The following CRACDL variants were observed in gnomAD, a reference collection of about 807,000 sequenced individuals.
CRACDL encodes the protein CRACD like, also known as CRACD-like protein.
A neutral mutation model predicts 70.6 loss-of-function variants in CRACDL; 26 were observed. That is an observed-to-expected ratio of 0.37 (90% CI 0.27 to 0.51). The LOEUF (loss-of-function observed/expected upper bound fraction) is 0.51, where lower values mean the gene tolerates loss of function less well. CRACDL is among the 20% of genes least tolerant of loss of function. The pLI is 0.94. For missense variants in CRACDL, 1,283 were observed against 1,376.9 expected, an observed-to-expected ratio of 0.93 and a Z score of 1.08; for synonymous variants, 618 against 615.2, an observed-to-expected ratio of 1.00 and a Z score of -0.07.
At chr2:98,891,616 A>G (rs1261106599) in intron 1 of CRACDL, among the ~76,000 whole-genome samples, 2 of 152,156 alleles carry the variant, frequency 1.3e-5, no homozygotes, top group African/African-American at 4.8e-5. Flanking sequence ...TAAGACAGTT[A>G]TAACAATGTA....
chr2:98,856,089 G>A (rs1354125602), intron 1 of CRACDL, among the ~76,000 whole-genome samples: 1 of 152,066 alleles, frequency 6.6e-6, no homozygotes, highest in South Asian at 2.1e-4. Flanking sequence ...TTCTAAATTT[G>A]AGGAAAAACA....
chr2:98,815,697 G>C (rs1162722556), intron 7 of CRACDL, among the ~76,000 whole-genome samples: 1 of 152,152 alleles, frequency 6.6e-6, no homozygotes, highest in Non-Finnish European at 1.5e-5. Flanking sequence ...GAGTGCTCTA[G>C]GCTGGTGCAT....
rs1044207461 is a variant in CRACDL, at chr2:98,869,039, G to A, written c.-10-22229C>T. On this transcript the variant is annotated intron_variant, in intron 1 of 9. Transcript: ENST00000397899. Reference sequence around the variant, plus strand: ...CACGGCCTGGCCTCCCCTCCCTCGCGACTCTCCCCCACCACCTCTTTGCTC... The same window carrying A: ...CACGGCCTGGCCTCCCCTCCCTCGCAACTCTCCCCCACCACCTCTTTGCTC... 1.6e-5 allele frequency: 20 copies of A among 1,270,494 alleles called. No homozygotes were observed. The African/African-American group carries it at 1.8e-4, about 12-fold the overall frequency. The allele number at this position is 1,270,494 out of a possible 1,614,324, so 78.7% of individuals were successfully genotyped here.
At chr2:98,889,177 GAAAGAAGGAAGGAAGGAAGA>G (rs1707883025) in intron 1 of CRACDL, among the ~76,000 whole-genome samples, 2 of 146,600 alleles carry the variant, frequency 1.4e-5, no homozygotes, top group Non-Finnish European at 3.0e-5. Flanking sequence ...GAAGGGGAAG[GAAAGAAGGAAGGAAGGAAGA>G]AAAGAAGGAA....
At chr2:98,922,718 A>G in intron 1 of CRACDL, among the ~76,000 whole-genome samples, 1 of 152,186 alleles carries the variant, frequency 6.6e-6, no homozygotes. Context: ...AAACAGGGCC[A>G]CGGAGGGAAG....
At chr2:98,907,545 A>G (rs1331198170) in intron 1 of CRACDL, among the ~76,000 whole-genome samples, 1 of 152,036 alleles carries the variant, frequency 6.6e-6, no homozygotes, top group East Asian at 1.9e-4. Context: ...CCATCCCCGC[A>G]AGTTCCAGCT....
chr2:98,895,949 C>A (rs552765103), intron 1 of CRACDL, among the ~76,000 whole-genome samples: 1 of 152,136 alleles, frequency 6.6e-6, no homozygotes, highest in Non-Finnish European at 1.5e-5. Flanking sequence ...GTGCTACCTA[C>A]GAACCAGAAA....
At chr2:98,913,841 T>C (rs564314182) in intron 1 of CRACDL, among the ~76,000 whole-genome samples, 1 of 152,184 alleles carries the variant, frequency 6.6e-6, no homozygotes, top group African/African-American at 2.4e-5. Flanking sequence ...GTGAGAGCCC[T>C]GGCAAGGCAC....
intron 1 of CRACDL, chr2:98,869,008 G>T: frequency 1.0e-6 from 1 of 1,002,280 alleles, no homozygotes; most frequent in Non-Finnish European, 1.4e-6. Flanking sequence ...CCCACGCCCC[G>T]GGAGTCACGG....
intron 1 of CRACDL, among the ~76,000 whole-genome samples, chr2:98,873,735 G>C (rs1240192468): frequency 6.6e-6 from 1 of 152,252 alleles, no homozygotes; most frequent in Non-Finnish European, 1.5e-5. Context: ...GCTGGGCGTG[G>C]TGGCTCATGC....
intron 7 of CRACDL, among the ~76,000 whole-genome samples, chr2:98,797,923 A>C (rs1703898580): frequency 6.6e-6 from 1 of 152,202 alleles, no homozygotes; most frequent in Non-Finnish European, 1.5e-5. Flanking sequence ...CTGTAGACAC[A>C]CTATTAATCT....
At chr2:98,929,338 C>G (rs1709013751) in intron 1 of CRACDL, among the ~76,000 whole-genome samples, 1 of 152,170 alleles carries the variant, frequency 6.6e-6, no homozygotes, top group African/African-American at 2.4e-5. Context: ...TGGTGTGGCC[C>G]CTGTGCCCAC....
At chr2:98,866,367 C>T (rs1250202080) in intron 1 of CRACDL, among the ~76,000 whole-genome samples, 1 of 151,512 alleles carries the variant, frequency 6.6e-6, no homozygotes, top group Non-Finnish European at 1.5e-5. Flanking sequence ...CATAGAACAG[C>T]TGCATGGTAG....
At chr2:98,859,464 C>T (rs759807771) in intron 1 of CRACDL, among the ~76,000 whole-genome samples, 2 of 152,122 alleles carry the variant, frequency 1.3e-5, no homozygotes, top group Non-Finnish European at 2.9e-5. Context: ...CACAGCATGA[C>T]CAAGTAGGAT....
chr2:98,926,283 C>G (rs1268873791), intron 1 of CRACDL, among the ~76,000 whole-genome samples: 1 of 152,184 alleles, frequency 6.6e-6, no homozygotes, highest in African/African-American at 2.4e-5. Context: ...CCAGACAGGC[C>G]TAATTCCTGG....
At chr2:98,798,265 A>T (rs1458468925) in intron 7 of CRACDL, among the ~76,000 whole-genome samples, 1 of 151,926 alleles carries the variant, frequency 6.6e-6, no homozygotes, top group Non-Finnish European at 1.5e-5. Context: ...CAATCGCTTG[A>T]ACTTGGGAGG....
chr2:98,850,196 C>A (rs4851162), intron 1 of CRACDL, among the ~76,000 whole-genome samples: 74,161 of 151,810 alleles, frequency 0.49, 19,223 homozygotes, highest in African/African-American at 0.67. Flanking sequence ...TGATCCCCAC[C>A]GCCCAATGGG....
At chr2:98,890,282 G>A in intron 1 of CRACDL, among the ~76,000 whole-genome samples, 1 of 152,120 alleles carries the variant, frequency 6.6e-6, no homozygotes, top group East Asian at 1.9e-4. Context: ...AGAAAGGAGA[G>A]AAGGCTCAAA....
chr2:98,824,018 T>C (rs1326474908), intron 6 of CRACDL, among the ~76,000 whole-genome samples: 1 of 152,196 alleles, frequency 6.6e-6, no homozygotes, highest in African/African-American at 2.4e-5. Context: ...ACTCTATGGC[T>C]CTGTGTTCCT....
Sources: allele counts gnomAD v4.1 joint callset (sites outside exome capture counted in the v4.1 genomes callset), GRCh38; gene constraint gnomAD v4.1.1; transcripts MANE v1.5; gene names NCBI Gene and HGNC (gene_info 2026-07-23, HGNC 2026-07-21).